The following NIBAN2 variants were observed in gnomAD, a reference collection of about 807,000 sequenced individuals.
NIBAN2 encodes niban apoptosis regulator 2.
NIBAN2 carries 36 observed loss-of-function variants against 81.8 expected under a neutral mutation model. That is an observed-to-expected ratio of 0.44 (90% CI 0.34 to 0.58). The LOEUF is 0.58. NIBAN2 is among the 20% of genes least tolerant of loss of function. The pLI, the probability that NIBAN2 is intolerant of heterozygous loss-of-function variation, is 0.02. For synonymous variants in NIBAN2, 445 were observed against 441.6 expected, an observed-to-expected ratio of 1.01 and a Z score of -0.10; for missense variants, 897 against 1,014.1, an observed-to-expected ratio of 0.88 and a Z score of 1.57.
chr9:127,578,866 A>C, intron 1 of NIBAN2: 2 of 1,578,498 alleles, frequency 1.3e-6, no homozygotes, highest in South Asian at 2.3e-5. Flanking sequence ...CTAAACAAAC[A>C]AACAAAAAAG....
chr9:127,554,095 G>C (rs1454311883), intron 1 of NIBAN2, among the ~76,000 whole-genome samples: 1 of 152,184 alleles, frequency 6.6e-6, no homozygotes, highest in Non-Finnish European at 1.5e-5. Flanking sequence ...CACAGCCACT[G>C]GGGGCTCAGA....
chr9:127,550,861 T>C (rs1837562922), intron 1 of NIBAN2, among the ~76,000 whole-genome samples: 1 of 152,170 alleles, frequency 6.6e-6, no homozygotes, highest in African/African-American at 2.4e-5. Flanking sequence ...ATCCTCCGCG[T>C]CCTCTTCCTG....
Position 127,508,627 on chromosome 9 carries a change from C to G in NIBAN2, c.1318-89G>C. Reference sequence around the variant, plus strand: ...CTGAGGGGTCCTCATCCTCAACCAGCCCCCCACCCCGAGGCCTGCCAGGGA... The same window carrying G: ...CTGAGGGGTCCTCATCCTCAACCAGGCCCCCACCCCGAGGCCTGCCAGGGA... On this transcript the variant is annotated intron_variant, in intron 10 of 13. Coordinates refer to ENST00000373312, the MANE Select transcript of NIBAN2 (RefSeq NM_022833.4). This position sits in a 1 kb window ranked among gnomAD's most constrained non-coding sequence, Gnocchi z 6.4. 2 of 1,102,308 alleles carry G rather than the reference C, an allele frequency of 1.8e-6. No individual in the cohort carries two copies. Among genetic ancestry groups the G allele is most frequent in the African/African-American group, 3.1e-5 (2 of 65,564 alleles). 68.3% of individuals were successfully genotyped at this position (1,102,308 alleles called of 1,614,324 possible).
chr9:127,523,998 G>A, intron 4 of NIBAN2, 152 bp from the exon 5 acceptor site: 1 of 768,396 alleles, frequency 1.3e-6, no homozygotes, highest in East Asian at 2.7e-5. Flanking sequence ...GCCGGCGGGG[G>A]TGGGAGCAGC....
At position 127,508,371 on chromosome 9, in the gene NIBAN2, G is replaced by A. The variant is rs555645290; in HGVS notation, c.1434+51C>T. Reference sequence around the variant, plus strand: ...CTGGTGGTGGCCGGGGATGAGGCTCGGGGCTCGGCCTCGCCTAGGACGGTC... The same window carrying A: ...CTGGTGGTGGCCGGGGATGAGGCTCAGGGCTCGGCCTCGCCTAGGACGGTC... On this transcript the variant is annotated intron_variant, in intron 11 of 13. Coordinates refer to ENST00000373312, the MANE Select transcript of NIBAN2 (RefSeq NM_022833.4). The surrounding 1 kb of genome is among the most constrained non-coding windows in gnomAD (Gnocchi z 6.4). 29 of 1,496,790 alleles carry A rather than the reference G, an allele frequency of 1.9e-5. No homozygotes were observed. The highest frequency in any genetic ancestry group is 6.9e-5 in the African/African-American group (5 of 72,786). The allele number at this position is 1,496,790 out of a possible 1,614,324, so 92.7% of individuals were successfully genotyped here.
At chr9:127,548,840 G>T (rs1460191858) in intron 1 of NIBAN2, among the ~76,000 whole-genome samples, 1 of 152,150 alleles carries the variant, frequency 6.6e-6, no homozygotes, top group East Asian at 1.9e-4. Context: ...GGGAAGTCCA[G>T]CCGTAGCCAC....
At chr9:127,553,590 C>T (rs2132224876) in intron 1 of NIBAN2, among the ~76,000 whole-genome samples, 1 of 152,348 alleles carries the variant, frequency 6.6e-6, no homozygotes, top group South Asian at 2.1e-4. Context: ...ATCATGGAGA[C>T]AGGCGGAAGG....
At chr9:127,542,340 G>A (rs77208041) in intron 1 of NIBAN2, among the ~76,000 whole-genome samples, 2,337 of 152,194 alleles carry the variant, frequency 0.015, 57 homozygotes, top group African/African-American at 0.042. Context: ...GCAGCCCACC[G>A]CTGGCCTCCT....
At chr9:127,556,218 A>G (rs1218916717) in intron 1 of NIBAN2, among the ~76,000 whole-genome samples, 1 of 152,112 alleles carries the variant, frequency 6.6e-6, no homozygotes, top group Non-Finnish European at 1.5e-5. Flanking sequence ...GGCAGGAGGA[A>G]GGAAGTTGTG....
chr9:127,527,410 T>A, intron 2 of NIBAN2, 88 bp from the exon 3 acceptor site: 1 of 1,290,734 alleles, frequency 7.7e-7, no homozygotes, highest in East Asian at 2.3e-5. Flanking sequence ...GCAGAGCCTG[T>A]GTGCGCACCC....
intron 1 of NIBAN2, chr9:127,561,065 G>T: frequency 1.1e-6 from 1 of 941,668 alleles, no homozygotes; most frequent in Non-Finnish European, 1.3e-6. Flanking sequence ...GAGGGAGCAT[G>T]TTCCCATCCA....
chr9:127,568,475 G>A (rs1011260101), intron 1 of NIBAN2, among the ~76,000 whole-genome samples: 2 of 152,170 alleles, frequency 1.3e-5, no homozygotes, highest in African/African-American at 4.8e-5. Flanking sequence ...ACGCTTCTGG[G>A]CGGGGACAGC....
intron 1 of NIBAN2, among the ~76,000 whole-genome samples, chr9:127,562,637 G>A (rs528317894): frequency 6.6e-6 from 1 of 152,344 alleles, no homozygotes; most frequent in East Asian, 1.9e-4. Context: ...GCAGGAAGGA[G>A]CCTCCCTCTA....
In NIBAN2 at chr9:127,508,832, A is replaced by G; in HGVS notation, c.1317+144T>C. On this transcript the variant is annotated intron_variant, in intron 10 of 13. Coordinates refer to ENST00000373312, the MANE Select transcript of NIBAN2 (RefSeq NM_022833.4). The surrounding 1 kb of genome is among the most constrained non-coding windows in gnomAD (Gnocchi z 6.4). ...ATTAGCCAGGTGGGCAGAGGCACAG[A>G]TGTTCCAAGCAGAGGAGGAGAGAGC... The G allele has an allele frequency of 1.1e-6, 1 of 937,622 alleles. No individual in the cohort carries two copies. The highest frequency in any genetic ancestry group is 1.6e-5 in the African/African-American group (1 of 60,716). The allele number at this position is 937,622 out of a possible 1,614,324, so 58.1% of individuals were successfully genotyped here.
chr9:127,511,107 C>T (rs576142781), intron 8 of NIBAN2, among the ~76,000 whole-genome samples: 7 of 152,236 alleles, frequency 4.6e-5, no homozygotes, highest in Admixed American at 1.3e-4. Flanking sequence ...TGTAATGGCA[C>T]GATCTCAGCT....
chr9:127,507,024 G>T lies in NIBAN2; in HGVS notation c.2062C>A (p.Pro688Thr). ...AGESPQPKAA[P>T]EASSPPASPL... ...GAGGCAGGCGGCGAGGAGGCCTCGG[G>T]GGCGGCCTTAGGCTGGGGACTCTCC... Residue 688 changes from proline to threonine, a missense_variant, in exon 14 of 14, where the codon CCC becomes ACC. By Grantham distance (38) the Pro-to-Thr change is conservative. This residue lies in a region of NIBAN2 where 619 missense variants were observed against 691.0 expected (regional missense o/e 0.90). Transcript: ENST00000373312. This position sits in a 1 kb window ranked among gnomAD's most constrained non-coding sequence, Gnocchi z 6.8. The T allele has an allele frequency of 6.3e-7, 1 of 1,591,152 alleles. No individual in the cohort carries two copies. The highest frequency in any genetic ancestry group is 8.6e-7 in the Non-Finnish European group (1 of 1,167,798).
rs1398213392 is a variant in NIBAN2, at chr9:127,535,082, C to CGGCAGGATG, written c.56-3313_56-3305dup. Among the ~76,000 whole-genome samples the CGGCAGGATG allele has an allele frequency of 4.6e-5, 7 of 152,170 alleles. No homozygotes were observed. The East Asian group carries it at 1.4e-3, about 29-fold the overall frequency. The stretch of plus-strand genomic sequence containing the variant: ...CCCACAGGCATTCTATCAACGTGGT[C>CGGCAGGATG]GGCAGGATGGGCAGGCTTGGGCCTG... On this transcript the variant is annotated intron_variant, in intron 1 of 13. Transcript: ENST00000373312.
At position 127,508,628 on chromosome 9, in the gene NIBAN2, C is replaced by A. The variant is rs1048911435; in HGVS notation, c.1318-90G>T. Reference sequence around the variant, plus strand: ...TGAGGGGTCCTCATCCTCAACCAGCCCCCCACCCCGAGGCCTGCCAGGGAG... The same window carrying A: ...TGAGGGGTCCTCATCCTCAACCAGCACCCCACCCCGAGGCCTGCCAGGGAG... On this transcript the variant is annotated intron_variant, in intron 10 of 13. Coordinates refer to ENST00000373312, the MANE Select transcript of NIBAN2 (RefSeq NM_022833.4). This position sits in a 1 kb window ranked among gnomAD's most constrained non-coding sequence, Gnocchi z 6.4. 3.4e-5 allele frequency: 38 copies of A among 1,107,164 alleles called. No homozygotes were observed. The highest frequency in any genetic ancestry group is 1.2e-5 in the Non-Finnish European group (9 of 731,922). The allele number at this position is 1,107,164 out of a possible 1,614,324, so 68.6% of individuals were successfully genotyped here.
chr9:127,568,948 G>C lies in NIBAN2; in HGVS notation c.-74C>G. 1 of 1,181,550 alleles carries C rather than the reference G, an allele frequency of 8.5e-7. No homozygotes were observed. The highest frequency in any genetic ancestry group is 3.8e-5 in the South Asian group (1 of 26,240). 73.2% of individuals were successfully genotyped at this position (1,181,550 alleles called of 1,614,324 possible). A position where few individuals can be genotyped will look rare whatever the true frequency, so the allele number is the denominator to read the frequency against. ...CGCGCTGCTCAGGCGGACGCCGCTG[G>C]CGCCATGGAGCCCGGCCCGCCCTGC... On this transcript the variant is annotated 5_prime_UTR_variant, in exon 1 of 14. Transcript: ENST00000373312.
Sources: gnomAD v4.1 joint callset for allele counts (sites outside exome capture counted in the v4.1 genomes callset) on GRCh38, gnomAD v4.1.1 for gene constraint, gnomAD v4.1.1 regional missense constraint, Gnocchi (gnomAD v3.1) non-coding constraint, MANE v1.5 for transcripts, NCBI Gene and HGNC (gene_info 2026-07-23, HGNC 2026-07-21) for gene names.